Variants in FGF12 observed in about 807,000 individuals in gnomAD.
FGF12 encodes fibroblast growth factor 12B.
FGF12 carries 14 observed loss-of-function variants against 23.6 expected under a neutral mutation model. The observed-to-expected ratio is 0.59, with a 90% confidence interval of 0.39 to 0.93. FGF12 has a LOEUF of 0.93. Ranked by LOEUF, FGF12 falls within the 40% of genes least tolerant of loss-of-function variation. The pLI is 0.00. For missense variants in FGF12, 175 were observed against 217.8 expected (o/e 0.80, Z 1.24); for synonymous variants, 62 against 77.3 (o/e 0.80, Z 1.04).
chr3:192,504,289 A>G (rs1724229127), intron 2 of FGF12, among the ~76,000 whole-genome samples: 1 of 152,184 alleles, frequency 6.6e-6, no homozygotes, highest in East Asian at 1.9e-4. Context: ...AATCCCTACA[A>G]CACACAATTT....
At chr3:192,544,302 T>C (rs1488242710) in intron 2 of FGF12, among the ~76,000 whole-genome samples, 1 of 152,216 alleles carries the variant, frequency 6.6e-6, no homozygotes, top group Non-Finnish European at 1.5e-5. Context: ...TCCACCCTCT[T>C]CAGTGCCTCT....
chr3:192,465,172 T>C (rs1722974979), intron 2 of FGF12, among the ~76,000 whole-genome samples: 1 of 152,234 alleles, frequency 6.6e-6, no homozygotes, highest in African/African-American at 2.4e-5. Flanking sequence ...GCAGAACTTT[T>C]TCTTAAGTTA....
At chr3:192,476,640 A>T (rs1049949870) in intron 2 of FGF12, among the ~76,000 whole-genome samples, 1 of 152,230 alleles carries the variant, frequency 6.6e-6, no homozygotes, top group Non-Finnish European at 1.5e-5. Flanking sequence ...AAAGAAGCTC[A>T]AACTTTGGGA....
intron 2 of FGF12, among the ~76,000 whole-genome samples, chr3:192,617,329 A>C (rs1714796631): frequency 6.6e-6 from 1 of 151,934 alleles, no homozygotes; most frequent in South Asian, 2.1e-4. Context: ...AAAGTGGGGG[A>C]GGTGGGAGGT....
At chr3:192,417,870 G>T (rs4561773) in intron 2 of FGF12, among the ~76,000 whole-genome samples, 58,781 of 151,726 alleles carry the variant, frequency 0.39, 11,936 homozygotes, top group East Asian at 0.6. Flanking sequence ...ACAGCTAAGA[G>T]ATCTGAGCCT....
At chr3:192,657,014 A>G (rs1321155446) in intron 2 of FGF12, among the ~76,000 whole-genome samples, 1 of 152,168 alleles carries the variant, frequency 6.6e-6, no homozygotes, top group Non-Finnish European at 1.5e-5. Flanking sequence ...TAAACAACAG[A>G]GGTCCCCAGT....
At chr3:192,364,370 A>ATGAC (rs3074512) in intron 2 of FGF12, among the ~76,000 whole-genome samples, 12,908 of 152,140 alleles carry the variant, frequency 0.085, 843 homozygotes, top group African/African-American at 0.18. Flanking sequence ...TAATGAAATG[A>ATGAC]TGACTATATT....
intron 4 of FGF12, among the ~76,000 whole-genome samples, chr3:192,237,503 C>G (rs1719363290): frequency 6.6e-6 from 1 of 152,176 alleles, no homozygotes. Flanking sequence ...CTTACATAAT[C>G]TCATATTTCT....
chr3:192,168,144 G>A (rs113963534), intron 5 of FGF12, among the ~76,000 whole-genome samples: 117 of 152,106 alleles, frequency 7.7e-4, no homozygotes, highest in African/African-American at 2.7e-3. Context: ...AACACAACAC[G>A]TGGATTTCTT....
chr3:192,549,192 C>T (rs1725569171), intron 2 of FGF12, among the ~76,000 whole-genome samples: 1 of 152,154 alleles, frequency 6.6e-6, no homozygotes, highest in Non-Finnish European at 1.5e-5. Flanking sequence ...AGGAGGATTA[C>T]TCTGGTACTA....
At chr3:192,248,319 C>A (rs1043646055) in intron 4 of FGF12, among the ~76,000 whole-genome samples, 1 of 152,172 alleles carries the variant, frequency 6.6e-6, no homozygotes, top group Non-Finnish European at 1.5e-5. Flanking sequence ...ATAGATGTGG[C>A]CCAATATGGC....
At chr3:192,394,569 A>G (rs922654374) in intron 2 of FGF12, among the ~76,000 whole-genome samples, 6 of 152,220 alleles carry the variant, frequency 3.9e-5, no homozygotes, top group African/African-American at 1.4e-4. Context: ...AATTTCGGAA[A>G]TCATTGATAG....
At chr3:192,671,751 A>G (rs1717128561) in intron 2 of FGF12, among the ~76,000 whole-genome samples, 1 of 151,410 alleles carries the variant, frequency 6.6e-6, no homozygotes, top group Non-Finnish European at 1.5e-5. Context: ...GAGGCATTCA[A>G]TAAAGCATCT....
Position 192,337,687 on chromosome 3 carries a change from A to G in FGF12, c.125-2223T>C, listed in dbSNP as rs548087089. ...TCCTATCTGTAAAATGGACATGATA[A>G]TGCTTATTGCACAGAGTTGATAGAA... is the stretch of plus-strand genomic sequence containing the variant. On this transcript the variant is annotated intron_variant, in intron 3 of 5. Transcript: ENST00000445105. Among the ~76,000 whole-genome samples the G allele has an allele frequency of 7.9e-5, 12 of 152,308 alleles. No homozygotes were observed. In the South Asian group the frequency reaches 2.3e-3, roughly 29 times the overall value.
At chr3:192,326,567 G>A (rs1344968016) in intron 4 of FGF12, among the ~76,000 whole-genome samples, 1 of 152,062 alleles carries the variant, frequency 6.6e-6, no homozygotes, top group Non-Finnish European at 1.5e-5. Flanking sequence ...TTGCACCAAG[G>A]CAATACTTTA....
chr3:192,385,565 C>T (rs1036961775), intron 2 of FGF12, among the ~76,000 whole-genome samples: 3 of 152,140 alleles, frequency 2.0e-5, no homozygotes, highest in Non-Finnish European at 4.4e-5. Flanking sequence ...TTCACCCCCC[C>T]CAGCTCATAG....
At chr3:192,669,602 TAAAAAAAAAAAAAAA>T (rs59897483) in intron 2 of FGF12, among the ~76,000 whole-genome samples, 112 of 59,538 alleles carry the variant, frequency 1.9e-3, no homozygotes, top group African/African-American at 6.3e-3. Flanking sequence ...GACTCTGTCT[TAAAAAAAAAAAAAAA>T]AAAAAAAAAA....
chr3:192,560,089 A>T (rs1711949427), intron 2 of FGF12, among the ~76,000 whole-genome samples: 1 of 152,110 alleles, frequency 6.6e-6, no homozygotes, highest in African/African-American at 2.4e-5. Context: ...AGATGAAGAA[A>T]ATCTTCAATA....
intron 2 of FGF12, among the ~76,000 whole-genome samples, chr3:192,623,401 C>G (rs907352156): frequency 6.9e-5 from 10 of 145,776 alleles, no homozygotes; most frequent in African/African-American, 2.6e-4. Flanking sequence ...TATCTGAATG[C>G]CAGTGTAAAC....
Sources: allele counts gnomAD v4.1 joint callset (sites outside exome capture counted in the v4.1 genomes callset), GRCh38; gene constraint gnomAD v4.1.1; transcripts MANE v1.5; gene names NCBI Gene and HGNC (gene_info 2026-07-23, HGNC 2026-07-21).